The following NECAB1 variants were observed in gnomAD, a reference collection of about 807,000 sequenced individuals.
The protein encoded by NECAB1 is N-terminal EF-hand calcium-binding protein 1.
NECAB1 carries 29 observed loss-of-function variants against 57.5 expected under a neutral mutation model. That is an observed-to-expected ratio of 0.50 (90% CI 0.38 to 0.69). NECAB1 has a LOEUF of 0.69. Among genes scored for constraint, NECAB1 ranks in the 30% least tolerant of loss-of-function variants. The pLI, the probability that NECAB1 is intolerant of heterozygous loss-of-function variation, is 0.00. For missense variants in NECAB1, 372 were observed against 413.8 expected, an observed-to-expected ratio of 0.90 and a Z score of 0.88; for synonymous variants, 142 against 147.7, an observed-to-expected ratio of 0.96 and a Z score of 0.28.
At chr8:90,820,307 A>T (rs939015335) in intron 2 of NECAB1, among the ~76,000 whole-genome samples, 1 of 151,968 alleles carries the variant, frequency 6.6e-6, no homozygotes, top group Non-Finnish European at 1.5e-5. Flanking sequence ...TAAAATCAGA[A>T]GAGGTATTTT....
In NECAB1 at chr8:90,957,989, A is replaced by ATAGGTTTGTTT. The variant is rs760943003; in HGVS notation, c.*2477_*2478insTAGGTTTGTTT. 1 of 151,352 alleles carries ATAGGTTTGTTT rather than the reference A, an allele frequency of 6.6e-6. No homozygotes were observed. The highest frequency in any genetic ancestry group is 1.5e-5 in the Non-Finnish European group (1 of 67,592). 9.4% of individuals were successfully genotyped at this position (151,352 alleles called of 1,614,324 possible). On this transcript the variant is annotated 3_prime_UTR_variant, in exon 13 of 13. Coordinates refer to ENST00000417640, the MANE Select transcript of NECAB1 (RefSeq NM_022351.5). ...AGGAGTTCAAAATTCAGTGAAACAA[A>ATAGGTTTGTTT]CTTTTTGCCAATAGACCTAGGGATC...
intron 2 of NECAB1, among the ~76,000 whole-genome samples, chr8:90,815,259 T>G (rs1812039798): frequency 6.6e-6 from 1 of 152,086 alleles, no homozygotes; most frequent in Non-Finnish European, 1.5e-5. Context: ...GCTTATAGAC[T>G]TCACTATTTT....
At chr8:90,922,871 C>A (rs548208754) in intron 6 of NECAB1, among the ~76,000 whole-genome samples, 54 of 152,212 alleles carry the variant, frequency 3.5e-4, no homozygotes, top group Non-Finnish European at 7.5e-4. Flanking sequence ...TGTATGATTT[C>A]TTTTGCTCTC....
At chr8:90,915,112 C>T (rs1168747407) in intron 5 of NECAB1, among the ~76,000 whole-genome samples, 2 of 152,098 alleles carry the variant, frequency 1.3e-5, no homozygotes, top group Non-Finnish European at 2.9e-5. Flanking sequence ...AAGTATAAAA[C>T]TTTTTATCAT....
At chr8:90,900,281 T>C (rs890463868) in intron 5 of NECAB1, among the ~76,000 whole-genome samples, 6 of 152,180 alleles carry the variant, frequency 3.9e-5, no homozygotes, top group African/African-American at 1.4e-4. Context: ...CTTCCCACAT[T>C]GATCACTTTT....
intron 3 of NECAB1, among the ~76,000 whole-genome samples, chr8:90,867,058 C>A (rs1808530021): frequency 6.6e-6 from 1 of 152,168 alleles, no homozygotes; most frequent in South Asian, 2.1e-4. Flanking sequence ...TACTAGAATT[C>A]ATCCATGTAA....
At chr8:90,792,180 G>C (rs1354870100) in intron 1 of NECAB1, among the ~76,000 whole-genome samples, 195 bp downstream of exon 1, 1 of 152,214 alleles carries the variant, frequency 6.6e-6, no homozygotes, top group African/African-American at 2.4e-5. Context: ...GCAGCTTGTG[G>C]CTTAACACCC....
chr8:90,863,870 A>G (rs1025409823), intron 3 of NECAB1, among the ~76,000 whole-genome samples: 1 of 152,164 alleles, frequency 6.6e-6, no homozygotes, highest in Non-Finnish European at 1.5e-5. Flanking sequence ...TATTGTGCTA[A>G]TGTTTCTGAC....
In NECAB1 at chr8:90,956,665, T is replaced by C. The variant is rs1170650892; in HGVS notation, c.*1153T>C. On this transcript the variant is annotated 3_prime_UTR_variant, in exon 13 of 13. Coordinates refer to ENST00000417640, the MANE Select transcript of NECAB1 (RefSeq NM_022351.5). ...CATGTTATTTTCTAGTATAAATTCC[T>C]TTGAAACTATAAGTCTTTGAGGAAA... The C allele has an allele frequency of 6.6e-6, 1 of 152,034 alleles. No homozygotes were observed. Among genetic ancestry groups the C allele is most frequent in the Non-Finnish European group, 1.5e-5 (1 of 67,894 alleles). The allele number at this position is 152,034 out of a possible 1,614,324, so 9.4% of individuals were successfully genotyped here.
At chr8:90,949,183 T>A (rs968504137) in intron 10 of NECAB1, among the ~76,000 whole-genome samples, 1 of 150,286 alleles carries the variant, frequency 6.7e-6, no homozygotes, top group Non-Finnish European at 1.5e-5. Context: ...TGTGTGTGTG[T>A]GTGTGTGTGT....
At chr8:90,905,042 C>G (rs949006266) in intron 5 of NECAB1, among the ~76,000 whole-genome samples, 2 of 151,928 alleles carry the variant, frequency 1.3e-5, no homozygotes, top group East Asian at 1.9e-4. Flanking sequence ...TAAACTATAC[C>G]TTTAGAACAT....
At chr8:90,912,643 C>G (rs1189638864) in intron 5 of NECAB1, among the ~76,000 whole-genome samples, 1 of 151,900 alleles carries the variant, frequency 6.6e-6, no homozygotes, top group Non-Finnish European at 1.5e-5. Context: ...GAATTAACCT[C>G]TGTCCATTAT....
intron 5 of NECAB1, chr8:90,903,836 T>A (rs2740801): frequency 6.6e-6 from 1 of 151,990 alleles, no homozygotes; most frequent in African/African-American, 2.4e-5. Flanking sequence ...CAGTAGGAAG[T>A]GGCTTTAATT....
intron 7 of NECAB1, 50 bp downstream of exon 7, chr8:90,925,706 G>A (rs762072331): frequency 2.7e-5 from 43 of 1,602,388 alleles, no homozygotes; most frequent in African/African-American, 5.4e-5. Context: ...TTTATCTTGC[G>A]TTTTCCAATT....
intron 2 of NECAB1, among the ~76,000 whole-genome samples, chr8:90,818,229 T>C (rs75068844): frequency 0.016 from 2,508 of 152,050 alleles, 75 homozygotes; most frequent in African/African-American, 0.058. Context: ...ATCAATCTTT[T>C]CAATCATATT....
At chr8:90,934,502 A>G in intron 9 of NECAB1, 145 bp downstream of exon 9, 1 of 610,710 alleles carries the variant, frequency 1.6e-6, no homozygotes, top group Non-Finnish European at 2.7e-6. Context: ...TGTTGTTTCT[A>G]CATTGTGATT....
chr8:90,873,171 T>C (rs1729372632), intron 4 of NECAB1, among the ~76,000 whole-genome samples: 2 of 152,182 alleles, frequency 1.3e-5, no homozygotes, highest in African/African-American at 4.8e-5. Flanking sequence ...TTCCAATGAT[T>C]GTAAAAAAAC....
chr8:90,814,371 G>A (rs1236405275), intron 2 of NECAB1, among the ~76,000 whole-genome samples: 3 of 152,248 alleles, frequency 2.0e-5, no homozygotes, highest in East Asian at 3.9e-4. Context: ...CCACTGGAAA[G>A]TTTACTCTTT....
At chr8:90,828,521 T>A (rs1224153256) in intron 3 of NECAB1, among the ~76,000 whole-genome samples, 2 of 152,042 alleles carry the variant, frequency 1.3e-5, no homozygotes, top group Non-Finnish European at 2.9e-5. Context: ...TGTATTAGAA[T>A]CCTTGTATAG....
Sources: gnomAD v4.1 joint callset for allele counts (sites outside exome capture counted in the v4.1 genomes callset) on GRCh38, gnomAD v4.1.1 for gene constraint, MANE v1.5 for transcripts, NCBI Gene and HGNC (gene_info 2026-07-23, HGNC 2026-07-21) for gene names.